Variants in GATAD2B observed in about 807,000 individuals in gnomAD.
The protein encoded by GATAD2B is transcriptional repressor p66-beta.
GATAD2B carries 8 observed loss-of-function variants against 64.3 expected under a neutral mutation model. That is an observed-to-expected ratio of 0.12 (90% CI 0.07 to 0.22). The LOEUF (loss-of-function observed/expected upper bound fraction) is 0.22, where lower values mean the gene tolerates loss of function less well. GATAD2B is among the 10% of genes least tolerant of loss of function. The pLI is 1.00. For missense variants in GATAD2B, 453 were observed against 752.0 expected (o/e 0.60, Z 4.65); for synonymous variants, 281 against 271.3 (o/e 1.04, Z -0.35).
intron 1 of GATAD2B, among the ~76,000 whole-genome samples, chr1:153,905,927 T>C (rs1677913369): frequency 1.3e-5 from 2 of 148,408 alleles, no homozygotes; most frequent in African/African-American, 2.5e-5. Flanking sequence ...ATTAGCTGGG[T>C]GTGGTGGCAT....
At chr1:153,913,040 A>T (rs1453835197) in intron 1 of GATAD2B, among the ~76,000 whole-genome samples, 2 of 152,152 alleles carry the variant, frequency 1.3e-5, no homozygotes, top group Non-Finnish European at 2.9e-5. Context: ...GTGAGCCAAG[A>T]TCACGATACT....
intron 1 of GATAD2B, among the ~76,000 whole-genome samples, chr1:153,890,435 C>A (rs1479764179): frequency 6.6e-6 from 1 of 150,576 alleles, no homozygotes; most frequent in Admixed American, 6.6e-5. Context: ...TTGCAGTGAG[C>A]CAAGATCACA....
At chr1:153,840,847 C>T (rs936996326) in intron 1 of GATAD2B, among the ~76,000 whole-genome samples, 3 of 151,792 alleles carry the variant, frequency 2.0e-5, no homozygotes, top group Admixed American at 1.3e-4. Flanking sequence ...GGAGATAGGC[C>T]GGGCACGGTG....
chr1:153,835,439 T>C (rs1042356734), intron 1 of GATAD2B, among the ~76,000 whole-genome samples: 3 of 151,824 alleles, frequency 2.0e-5, no homozygotes, highest in South Asian at 4.2e-4. Flanking sequence ...AACTGCCAGG[T>C]TGGGCAGGCG....
intron 1 of GATAD2B, among the ~76,000 whole-genome samples, chr1:153,862,118 C>CTTTTTTT (rs754580519): frequency 9.9e-6 from 1 of 101,182 alleles, no homozygotes; most frequent in African/African-American, 3.6e-5. Context: ...ACATTATATC[C>CTTTTTTT]TTTTTTTTTT....
At chr1:153,873,134 A>G (rs1368398699) in intron 1 of GATAD2B, among the ~76,000 whole-genome samples, 5 of 152,228 alleles carry the variant, frequency 3.3e-5, no homozygotes, top group African/African-American at 9.6e-5. Context: ...ATGATGACTT[A>G]GTATTATTAT....
intron 1 of GATAD2B, among the ~76,000 whole-genome samples, chr1:153,878,162 C>CT (rs71899872): frequency 5.8e-4 from 85 of 145,724 alleles, no homozygotes; most frequent in Middle Eastern, 3.6e-3. Flanking sequence ...ATCCTGCAAT[C>CT]TTTTTTTTTT....
At chr1:153,840,840 G>C (rs1445831158) in intron 1 of GATAD2B, among the ~76,000 whole-genome samples, 1 of 152,014 alleles carries the variant, frequency 6.6e-6, no homozygotes, top group East Asian at 1.9e-4. Context: ...CAAAGATGGA[G>C]ATAGGCCGGG....
intron 2 of GATAD2B, among the ~76,000 whole-genome samples, chr1:153,823,802 C>T (rs181900807): frequency 6.6e-6 from 1 of 151,488 alleles, no homozygotes; most frequent in Non-Finnish European, 1.5e-5. Context: ...GCAATCTCTG[C>T]TCACTACAAC....
intron 1 of GATAD2B, among the ~76,000 whole-genome samples, chr1:153,878,655 G>A (rs751877428): frequency 2.0e-5 from 3 of 151,940 alleles, no homozygotes; most frequent in South Asian, 4.1e-4. Context: ...CAGGATTAAC[G>A]AGTTTGAAAG....
At chr1:153,871,462 A>G (rs976969693) in intron 1 of GATAD2B, among the ~76,000 whole-genome samples, 1 of 152,094 alleles carries the variant, frequency 6.6e-6, no homozygotes, top group South Asian at 2.1e-4. Flanking sequence ...TTGGCCTTCC[A>G]AAGTGCTGGG....
At chr1:153,810,859 G>C (rs1286620079) in intron 10 of GATAD2B, among the ~76,000 whole-genome samples, 1 of 151,040 alleles carries the variant, frequency 6.6e-6, no homozygotes, top group Non-Finnish European at 1.5e-5. Context: ...CACCTCCCAA[G>C]TTCAAGCGAT....
chr1:153,913,889 C>T (rs2101970536), intron 1 of GATAD2B, among the ~76,000 whole-genome samples: 1 of 145,880 alleles, frequency 6.9e-6, no homozygotes, highest in Admixed American at 7.1e-5. Flanking sequence ...CACTGCACTC[C>T]AGCCTGGATG....
chr1:153,912,333 C>T (rs1004665970), intron 1 of GATAD2B, among the ~76,000 whole-genome samples: 8 of 152,100 alleles, frequency 5.3e-5, no homozygotes, highest in Non-Finnish European at 1.0e-4. Context: ...AGCAAGAATC[C>T]GTCTCAAAAT....
chr1:153,823,551 T>C (rs1224650137), intron 2 of GATAD2B, among the ~76,000 whole-genome samples: 1 of 152,164 alleles, frequency 6.6e-6, no homozygotes, highest in Non-Finnish European at 1.5e-5. Flanking sequence ...GGTACCACTA[T>C]GTTGCCCAGA....
intron 2 of GATAD2B, among the ~76,000 whole-genome samples, chr1:153,826,783 A>C (rs979849269): frequency 4.0e-5 from 6 of 151,840 alleles, no homozygotes; most frequent in Admixed American, 3.3e-4. Flanking sequence ...CTACAAAAGT[A>C]TTCAAAAATT....
At chr1:153,888,779 T>C (rs1677264401) in intron 1 of GATAD2B, among the ~76,000 whole-genome samples, 1 of 152,204 alleles carries the variant, frequency 6.6e-6, no homozygotes, top group Non-Finnish European at 1.5e-5. Context: ...TCTTCCTCTC[T>C]AGCGTTCCAA....
chr1:153,890,718 A>G (rs1677357077), intron 1 of GATAD2B: 2 of 152,114 alleles, frequency 1.3e-5, no homozygotes, highest in Admixed American at 1.3e-4. Flanking sequence ...AGAGTACTAA[A>G]CACCATGTTG....
chr1:153,824,696 A>G (rs944665050), intron 2 of GATAD2B, among the ~76,000 whole-genome samples: 1 of 151,840 alleles, frequency 6.6e-6, no homozygotes. Flanking sequence ...GCAATATAAT[A>G]CAATTCCAAT....
Sources: gnomAD v4.1 joint callset for allele counts (sites outside exome capture counted in the v4.1 genomes callset) on GRCh38, gnomAD v4.1.1 for gene constraint, MANE v1.5 for transcripts, NCBI Gene and HGNC (gene_info 2026-07-23, HGNC 2026-07-21) for gene names.